IMMP2L: variants seen among roughly 807,000 people sequenced by gnomAD.
IMMP2L encodes the protein inner mitochondrial membrane peptidase subunit 2.
A neutral mutation model predicts 19.3 loss-of-function variants in IMMP2L; 18 were observed. That is an observed-to-expected ratio of 0.93 (90% CI 0.64 to 1.38). The LOEUF (loss-of-function observed/expected upper bound fraction) is 1.38, where lower values mean the gene tolerates loss of function less well. Ranked by LOEUF, IMMP2L falls within the 40% of genes most tolerant of loss-of-function variation. IMMP2L has a pLI of 0.00. For missense variants in IMMP2L, 233 were observed against 218.2 expected, an observed-to-expected ratio of 1.07 and a Z score of -0.43; for synonymous variants, 76 against 73.0, an observed-to-expected ratio of 1.04 and a Z score of -0.21.
At chr7:111,302,078 C>T (rs1188057388) in intron 3 of IMMP2L, among the ~76,000 whole-genome samples, 1 of 151,924 alleles carries the variant, frequency 6.6e-6, no homozygotes, top group Non-Finnish European at 1.5e-5. Context: ...CAGGTCAGTA[C>T]CCATTAGCAT....
At chr7:111,264,828 G>C (rs1166830997) in intron 3 of IMMP2L, among the ~76,000 whole-genome samples, 1 of 151,890 alleles carries the variant, frequency 6.6e-6, no homozygotes, top group Non-Finnish European at 1.5e-5. Context: ...AAATCTCCCA[G>C]AAGTGAAGTT....
At chr7:111,240,998 G>A (rs1814954046) in intron 3 of IMMP2L, among the ~76,000 whole-genome samples, 1 of 151,738 alleles carries the variant, frequency 6.6e-6, no homozygotes, top group African/African-American at 2.4e-5. Flanking sequence ...TATAATAAAT[G>A]AACACTCAGA....
rs114285735 is a variant in IMMP2L at position 111,034,807 on chromosome 7, C to T, written c.240-71242G>A. Among the ~76,000 whole-genome samples the T allele has an allele frequency of 3.4e-3, 519 of 152,206 alleles. 2 individuals are homozygous for T. Among genetic ancestry groups the T allele is most frequent in the Middle Eastern group, 0.014 (4 of 294 alleles). On this transcript the variant is annotated intron_variant, in intron 3 of 5. Coordinates refer to ENST00000405709, the MANE Select transcript of IMMP2L (RefSeq NM_032549.4). ...GAAACTTATCTACTTCAAAGGGTAG[C>T]CTAGAGCTAAAACAGGCTAATGACC...
chr7:111,323,137 A>C (rs1474652512), intron 3 of IMMP2L, among the ~76,000 whole-genome samples: 3 of 151,968 alleles, frequency 2.0e-5, no homozygotes, highest in Non-Finnish European at 2.9e-5. Context: ...AAATTAATAA[A>C]AATAAAAATG....
At chr7:111,474,128 T>C (rs921827873) in intron 3 of IMMP2L, among the ~76,000 whole-genome samples, 8 of 152,072 alleles carry the variant, frequency 5.3e-5, no homozygotes, top group South Asian at 4.2e-4. Flanking sequence ...CATTGGTCAC[T>C]CATGAACATA....
intron 5 of IMMP2L, among the ~76,000 whole-genome samples, chr7:110,782,922 G>A (rs1231662808): frequency 1.3e-5 from 2 of 151,774 alleles, no homozygotes; most frequent in African/African-American, 2.4e-5. Context: ...TGAAGAAAAT[G>A]CCACAATCCT....
chr7:111,113,247 G>A (rs1203053404), intron 3 of IMMP2L, among the ~76,000 whole-genome samples: 5 of 152,136 alleles, frequency 3.3e-5, no homozygotes, highest in Non-Finnish European at 7.4e-5. Flanking sequence ...TTTCTATTCT[G>A]TCAAACTGAG....
At chr7:111,241,386 G>C (rs1309576372) in intron 3 of IMMP2L, among the ~76,000 whole-genome samples, 1 of 151,804 alleles carries the variant, frequency 6.6e-6, no homozygotes, top group Non-Finnish European at 1.5e-5. Context: ...TTTTATTCTT[G>C]TACAACAACA....
chr7:110,918,457 T>C (rs1312936633), intron 4 of IMMP2L, among the ~76,000 whole-genome samples: 5 of 150,342 alleles, frequency 3.3e-5, no homozygotes, highest in Non-Finnish European at 4.4e-5. Context: ...TTTTTCTTTT[T>C]TTTTTTTTTT....
intron 3 of IMMP2L, among the ~76,000 whole-genome samples, chr7:111,198,612 G>A (rs531040396): frequency 2.0e-5 from 3 of 152,212 alleles, no homozygotes; most frequent in Admixed American, 2.0e-4. Flanking sequence ...GATAATTTCT[G>A]CTTTGATTCA....
intron 3 of IMMP2L, among the ~76,000 whole-genome samples, chr7:111,071,303 G>A (rs967713528): frequency 2.0e-5 from 3 of 152,196 alleles, no homozygotes; most frequent in Admixed American, 6.5e-5. Flanking sequence ...GTAAACTGGT[G>A]CAGCCAATTT....
In IMMP2L at chr7:110,924,687, T is replaced by G. The variant is rs1205434498; in HGVS notation, c.306-37992A>C. Among the ~76,000 whole-genome samples the G allele has an allele frequency of 2.0e-5, 3 of 152,112 alleles. No individual in the cohort carries two copies. The highest frequency in any genetic ancestry group is 6.6e-5 in the Admixed American group (1 of 15,238). On this transcript the variant is annotated intron_variant, in intron 4 of 5. Coordinates refer to ENST00000405709, the MANE Select transcript of IMMP2L (RefSeq NM_032549.4). The surrounding 1 kb of genome is among the most constrained non-coding windows in gnomAD (Gnocchi z 4.2). The stretch of plus-strand genomic sequence containing the variant: ...AATACTTAAACACCAGTGCTGAGAC[T>G]CAACAATTTAAATGGCCTCATTTCT...
intron 3 of IMMP2L, among the ~76,000 whole-genome samples, chr7:111,059,059 T>A (rs1563201636): frequency 6.6e-6 from 1 of 152,124 alleles, no homozygotes; most frequent in Non-Finnish European, 1.5e-5. Flanking sequence ...CTCGGCTCAC[T>A]GCAACTTTTG....
chr7:110,852,361 G>A (rs977490498), intron 5 of IMMP2L, among the ~76,000 whole-genome samples: 1 of 152,022 alleles, frequency 6.6e-6, no homozygotes, highest in Non-Finnish European at 1.5e-5. Flanking sequence ...GACAAATACA[G>A]TTCATTACTC....
At chr7:111,087,365 C>T (rs1796435393) in intron 3 of IMMP2L, among the ~76,000 whole-genome samples, 1 of 150,618 alleles carries the variant, frequency 6.6e-6, no homozygotes. Flanking sequence ...AGGAGAATCA[C>T]TTGAACCCGG....
intron 5 of IMMP2L, among the ~76,000 whole-genome samples, chr7:110,814,631 A>C (rs1802323835): frequency 6.7e-6 from 1 of 149,736 alleles, no homozygotes. Context: ...ATTTTACTTT[A>C]AGAGAAATGG....
intron 5 of IMMP2L, among the ~76,000 whole-genome samples, chr7:110,742,690 C>T (rs1237105774): frequency 6.7e-6 from 1 of 149,818 alleles, no homozygotes; most frequent in Non-Finnish European, 1.5e-5. Flanking sequence ...ATCACTTGAA[C>T]TGGGAGGCAG....
intron 4 of IMMP2L, among the ~76,000 whole-genome samples, chr7:110,933,973 A>G (rs1025855548): frequency 2.6e-5 from 4 of 152,104 alleles, no homozygotes; most frequent in Admixed American, 6.6e-5. Flanking sequence ...TCCTGTGGGC[A>G]TTTAGTGCTA....
chr7:111,557,548 C>T (rs566695202), intron 1 of IMMP2L, among the ~76,000 whole-genome samples: 1 of 152,282 alleles, frequency 6.6e-6, no homozygotes, highest in African/African-American at 2.4e-5. Flanking sequence ...CCCACTCCTA[C>T]TCAGTTTTCA....
Sources: allele counts gnomAD v4.1 joint callset (sites outside exome capture counted in the v4.1 genomes callset), GRCh38; gene constraint gnomAD v4.1.1; non-coding constraint Gnocchi (gnomAD v3.1); transcripts MANE v1.5; gene names NCBI Gene and HGNC (gene_info 2026-07-23, HGNC 2026-07-21).